RNF19B: variants seen among roughly 807,000 people sequenced by gnomAD.
RNF19B encodes the protein ring finger protein 19B, also known as E3 ubiquitin-protein ligase RNF19B.
Under a neutral mutation model 65.5 loss-of-function variants are expected in RNF19B, and 23 were observed. The ratio of observed to expected loss-of-function variants is 0.35; its 90% confidence interval spans 0.25 to 0.50. RNF19B has a LOEUF of 0.50. RNF19B is among the 20% of genes least tolerant of loss of function. RNF19B has a pLI of 0.98. For missense variants in RNF19B, 794 were observed against 980.0 expected, an observed-to-expected ratio of 0.81 and a Z score of 2.53; for synonymous variants, 372 against 379.6, an observed-to-expected ratio of 0.98 and a Z score of 0.23.
intron 7 of RNF19B, among the ~76,000 whole-genome samples, chr1:32,940,872 C>T (rs1314617592): frequency 6.6e-6 from 1 of 152,178 alleles, no homozygotes; most frequent in East Asian, 1.9e-4. Flanking sequence ...AACACAAGTA[C>T]ATAGAATTGA....
chr1:32,930,824 A>C, the RNF19B span, among the ~76,000 whole-genome samples: 2 of 152,326 alleles, frequency 1.3e-5, no homozygotes, highest in South Asian at 4.1e-4. Flanking sequence ...GCAGTGGCTC[A>C]CGCCTGTAAT....
At chr1:32,952,917 A>T (rs1396939144) in intron 1 of RNF19B, among the ~76,000 whole-genome samples, 2 of 151,810 alleles carry the variant, frequency 1.3e-5, no homozygotes, top group African/African-American at 2.4e-5. Context: ...TGTCTAAAAA[A>T]AATAATAAAT....
rs192235067 is a variant in RNF19B, at chr1:32,961,008, G to C, written c.635+3043C>G. Among the ~76,000 whole-genome samples the C allele has an allele frequency of 2.8e-3, 376 of 132,804 alleles. 3 individuals carry two copies. Among genetic ancestry groups the C allele is most frequent in the African/African-American group, 9.4e-3 (329 of 34,880 alleles). 87.1% of individuals were successfully genotyped at this position (132,804 alleles called of 152,430 possible). ...TCCAGCTTGGGTGACAGAGCGAGAC[G>C]CTGTCTCAAAAAAAAAGAGATGCAA... On this transcript the variant is annotated intron_variant, in intron 1 of 8. Coordinates refer to ENST00000235150, the MANE Select transcript of RNF19B (RefSeq NM_001300826.2).
intron 6 of RNF19B, 56 bp from the exon 7 acceptor site, chr1:32,942,515 A>C: frequency 6.7e-7 from 1 of 1,487,640 alleles, no homozygotes; most frequent in African/African-American, 1.4e-5. Flanking sequence ...AACAGTCAGT[A>C]GGCATTTTCC....
At position 32,964,376 on chromosome 1, in the gene RNF19B, C is replaced by T. The variant is rs1193394087; in HGVS notation, c.310G>A (p.Glu104Lys). ...GGGCCACCGCCCTCCGCCGCCTCCT[C>T]ATCGTCGAACCCAGGCTCCGCCGCC... ...AAAAEPGFDD[E>K]EAAEGGGPGA... Residue 104 changes from glutamate to lysine, a missense_variant, in exon 1 of 9, where the codon GAG (glutamate) becomes AAG (lysine). Physicochemically the swap from Glu to Lys is moderately conservative, Grantham distance 56. This residue lies in a region of RNF19B where 374 missense variants were observed against 423.8 expected (regional missense o/e 0.88). Coordinates refer to ENST00000235150, the MANE Select transcript of RNF19B (RefSeq NM_001300826.2). This position sits in a 1 kb window ranked among gnomAD's most constrained non-coding sequence, Gnocchi z 6.5. 2.9e-5 allele frequency: 41 copies of T among 1,392,022 alleles called. No homozygotes were observed. Among genetic ancestry groups the T allele is most frequent in the Middle Eastern group, 2.5e-4 (1 of 3,948 alleles). The allele number at this position is 1,392,022 out of a possible 1,614,324, so 86.2% of individuals were successfully genotyped here.
At chr1:32,938,327 T>G in intron 8 of RNF19B, 70 bp downstream of exon 8, 1 of 1,541,334 alleles carries the variant, frequency 6.5e-7, no homozygotes, top group Non-Finnish European at 9.0e-7. Flanking sequence ...ACATGAGGCA[T>G]TGAACTTCTG....
intron 1 of RNF19B, among the ~76,000 whole-genome samples, chr1:32,961,149 T>C (rs1478541612): frequency 6.6e-6 from 1 of 152,162 alleles, no homozygotes; most frequent in Non-Finnish European, 1.5e-5. Flanking sequence ...CGTGTAAACA[T>C]TAATTAAACC....
At chr1:32,949,463 G>A in intron 2 of RNF19B, 106 bp downstream of exon 2, 1 of 869,202 alleles carries the variant, frequency 1.2e-6, no homozygotes, top group Non-Finnish European at 1.8e-6. Flanking sequence ...TCTGCTCTCT[G>A]ATCCTTTGGA....
chr1:32,947,244 A>T (rs1642386666), intron 3 of RNF19B, among the ~76,000 whole-genome samples: 1 of 152,226 alleles, frequency 6.6e-6, no homozygotes, highest in Admixed American at 6.5e-5. Flanking sequence ...ATTGGCAATG[A>T]AGGTGTTGTG....
intron 8 of RNF19B, 182 bp from the exon 9 acceptor site, chr1:32,937,441 G>T: frequency 1.0e-6 from 1 of 973,714 alleles, no homozygotes; most frequent in Non-Finnish European, 1.5e-6. Context: ...GCTGGACGTG[G>T]TGGCTCATGC....
Position 32,948,214 on chromosome 1 carries a change from C to T in RNF19B, c.983+8G>A. 1.2e-6 allele frequency: 2 copies of T among 1,612,986 alleles called. No individual in the cohort carries two copies. Among genetic ancestry groups the T allele is most frequent in the Non-Finnish European group, 8.5e-7 (1 of 1,179,310 alleles). ...CTACGAAAGGAATGGATGCATTTCC[C>T]ATCTTACCTGAGGTAATGCAAGTCT... On this transcript the variant is annotated splice_region_variant and intron_variant, in intron 3 of 8. Transcript: ENST00000235150.
chr1:32,935,295 G>A (rs1020819153), downstream of RNF19B, among the ~76,000 whole-genome samples: 7 of 151,738 alleles, frequency 4.6e-5, no homozygotes, highest in African/African-American at 1.7e-4. Flanking sequence ...ATGCCACCAG[G>A]CCTGGCTAAC....
chr1:32,931,290 T>C, the RNF19B span, among the ~76,000 whole-genome samples: 1 of 152,184 alleles, frequency 6.6e-6, no homozygotes, highest in African/African-American at 2.4e-5. Context: ...CTTCTGTAAG[T>C]CTCTCAGATC....
At position 32,944,121 on chromosome 1, in the gene RNF19B, C is replaced by T; in HGVS notation, c.1300G>A (p.Val434Ile). The T allele has an allele frequency of 6.2e-7, 1 of 1,613,950 alleles. No homozygotes were observed. Among genetic ancestry groups the T allele is most frequent in the South Asian group, 1.1e-5 (1 of 91,046 alleles). The change falls in exon 6 of 9, where the codon GTT (valine) becomes ATT (isoleucine). Residue 434 changes from valine (V) to isoleucine (I), a missense_variant. By Grantham distance (29) the Val-to-Ile change is conservative. This residue lies in a region of RNF19B where 368 missense variants were observed against 447.3 expected (regional missense o/e 0.82). Transcript: ENST00000235150. ...CCACGACAAAGAGAAATGGGCACAA[C>T]CCCATAAACATATGCCAGCATAATG... ...VPIMLAYVYG[V>I]VPISLCRGGG...
chr1:32,934,926 G>C (rs769385154), downstream of RNF19B, among the ~76,000 whole-genome samples: 2 of 151,884 alleles, frequency 1.3e-5, no homozygotes, highest in Non-Finnish European at 1.5e-5. Context: ...TCCGCCTCCC[G>C]AGTTCAAGTG....
chr1:32,963,990 G>GC lies in RNF19B; in HGVS notation c.635+60dup, dbSNP rs898222558. 7.4e-5 allele frequency: 103 copies of GC among 1,385,858 alleles called. No individual in the cohort carries two copies. The Admixed American group carries it at 8.5e-4, about 11-fold the overall frequency. 85.8% of individuals were successfully genotyped at this position (1,385,858 alleles called of 1,614,324 possible). A position where few individuals can be genotyped will look rare whatever the true frequency, so the allele number is the denominator to read the frequency against. On this transcript the variant is annotated intron_variant, in intron 1 of 8. Coordinates refer to ENST00000235150, the MANE Select transcript of RNF19B (RefSeq NM_001300826.2). ...GGGACACCCACGCGGGGTCCCTGCTGCCCCCAGCCACGCCCCTCGGCTGCA... is the reference window on the plus strand; with the variant it reads ...GGGACACCCACGCGGGGTCCCTGCTGCCCCCCAGCCACGCCCCTCGGCTGCA...
At chr1:32,954,257 A>C (rs1033546693) in intron 1 of RNF19B, among the ~76,000 whole-genome samples, 1 of 151,770 alleles carries the variant, frequency 6.6e-6, no homozygotes, top group African/African-American at 2.4e-5. Context: ...GATAGGATCA[A>C]CAATGTCAAT....
At chr1:32,952,962 A>AT (rs71278768) in intron 1 of RNF19B, among the ~76,000 whole-genome samples, 27,216 of 119,938 alleles carry the variant, frequency 0.23, 3,665 homozygotes, top group Admixed American at 0.27. Flanking sequence ...TAATCACACA[A>AT]TTTTTTTTTT....
Position 32,949,564 on chromosome 1 carries a change from T to G in RNF19B, c.841+5A>C, listed in dbSNP as rs1406574746. Reference sequence around the variant, plus strand: ...AAGAGACAATGAGATAATGCCAACTTATACCTGGTCCAGATTCTTGCCCAT... The same window carrying G: ...AAGAGACAATGAGATAATGCCAACTGATACCTGGTCCAGATTCTTGCCCAT... On this transcript the variant is annotated splice_donor_5th_base_variant and intron_variant, in intron 2 of 8. Transcript: ENST00000235150. The G allele has an allele frequency of 6.2e-7, 1 of 1,613,654 alleles. No homozygotes were observed. Among genetic ancestry groups the G allele is most frequent in the Admixed American group, 1.7e-5 (1 of 60,004 alleles).
Sources: gnomAD v4.1 joint callset for allele counts (sites outside exome capture counted in the v4.1 genomes callset) on GRCh38, gnomAD v4.1.1 for gene constraint, gnomAD v4.1.1 regional missense constraint, Gnocchi (gnomAD v3.1) non-coding constraint, MANE v1.5 for transcripts, NCBI Gene and HGNC (gene_info 2026-07-23, HGNC 2026-07-21) for gene names.